The following MMP26 variants were observed in gnomAD, a reference collection of about 807,000 sequenced individuals.
MMP26 encodes matrix metallopeptidase 26, also known as matrix metalloproteinase-26.
MMP26 carries 33 observed loss-of-function variants against 31.0 expected under a neutral mutation model. The ratio of observed to expected loss-of-function variants is 1.06; its 90% CI spans 0.81 to 1.42. The LOEUF is 1.42. MMP26 is among the 40% of genes most tolerant of loss of function. The pLI is 0.00. For missense variants in MMP26, 347 were observed against 316.1 expected (o/e 1.10, Z -0.74); for synonymous variants, 122 against 114.9 (o/e 1.06, Z -0.40).
chr11:4,898,313 A>G (rs558434468), intron 2 of MMP26, among the ~76,000 whole-genome samples: 50 of 152,064 alleles, frequency 3.3e-4, no homozygotes, highest in African/African-American at 1.2e-3. Context: ...CTACTTGTAT[A>G]TCTTTTTCCC....
In MMP26 at chr11:4,760,614, A is replaced by G. The variant is rs373064491; in HGVS notation, c.-216-6656A>G. 7.2e-4 allele frequency among the ~76,000 whole-genome samples: 109 copies of G among 152,288 alleles called. 1 individual carries two copies. The highest frequency in any genetic ancestry group is 2.5e-3 in the African/African-American group (103 of 41,564). The stretch of plus-strand genomic sequence containing the variant: ...ACAGCATCATTAATAGGCTGTGACT[A>G]ATATTCCCATTTTTCAGGTGAGGTT... On this transcript the variant is annotated intron_variant, in intron 1 of 7. Transcript: ENST00000380390.
chr11:4,886,505 A>G (rs1850547683), intron 2 of MMP26, among the ~76,000 whole-genome samples: 1 of 152,072 alleles, frequency 6.6e-6, no homozygotes, highest in Non-Finnish European at 1.5e-5. Context: ...TATTGTCATT[A>G]TCTTCTAAAT....
intron 2 of MMP26, among the ~76,000 whole-genome samples, chr11:4,851,266 T>C (rs1849971999): frequency 1.3e-5 from 2 of 152,208 alleles, no homozygotes; most frequent in South Asian, 4.1e-4. Context: ...GCTTTGTTCC[T>C]GTACTCGTGA....
chr11:4,903,224 A>C (rs1373898311), intron 2 of MMP26, among the ~76,000 whole-genome samples: 1 of 152,118 alleles, frequency 6.6e-6, no homozygotes, highest in Non-Finnish European at 1.5e-5. Flanking sequence ...ATAATGTGGA[A>C]GGCATGTAGT....
At chr11:4,741,077 G>A (rs1023662239) in intron 1 of MMP26, among the ~76,000 whole-genome samples, 4 of 152,102 alleles carry the variant, frequency 2.6e-5, no homozygotes, top group African/African-American at 4.8e-5. Flanking sequence ...AATTCATCCC[G>A]AGTTAATTTT....
intron 2 of MMP26, among the ~76,000 whole-genome samples, chr11:4,879,487 T>G (rs1270667059): frequency 6.6e-6 from 1 of 152,112 alleles, no homozygotes. Flanking sequence ...AGCTTTGAAA[T>G]AAGACTTATT....
intron 1 of MMP26, chr11:4,709,949 C>T (rs980954617): frequency 2.2e-5 from 10 of 456,824 alleles, no homozygotes; most frequent in Non-Finnish European, 3.1e-5. Flanking sequence ...GCTTTATTGC[C>T]GTCTGTAACC....
chr11:4,881,913 A>G lies in MMP26; in HGVS notation c.-144-106155A>G, dbSNP rs564050863. Reference sequence around the variant, plus strand: ...CTTCAACCAACCATGGCAATATTCAATAACACCACTTCGTCTTCCTCAAAC... The same window carrying G: ...CTTCAACCAACCATGGCAATATTCAGTAACACCACTTCGTCTTCCTCAAAC... On this transcript the variant is annotated intron_variant, in intron 2 of 7. Coordinates refer to ENST00000380390, the MANE Select transcript of MMP26 (RefSeq NM_021801.5). 16 of 1,612,826 alleles carry G rather than the reference A, an allele frequency of 9.9e-6. No homozygotes were observed. In the African/African-American group the frequency reaches 1.2e-4, roughly 12 times the overall value.
chr11:4,866,122 G>A (rs1850230430), intron 2 of MMP26, among the ~76,000 whole-genome samples: 1 of 152,004 alleles, frequency 6.6e-6, no homozygotes, highest in Non-Finnish European at 1.5e-5. Flanking sequence ...GTATACTCAT[G>A]GGCGATTCCT....
rs1286710804 is a variant in MMP26 at position 4,723,671 on chromosome 11, T to A, written c.-217+18626T>A. The A allele has an allele frequency of 4.5e-6, 4 of 883,040 alleles. No individual in the cohort carries two copies. The African/African-American group carries it at 6.6e-5, about 14-fold the overall frequency. The allele number at this position is 883,040 out of a possible 1,614,324, so 54.7% of individuals were successfully genotyped here. A position where few individuals can be genotyped will look rare whatever the true frequency, so the allele number is the denominator to read the frequency against. ...TCATACTTGTTCTTGCAGTTCTCCA[T>A]CAGCCCTTGCATGTTGCCAAGCTTC... is the stretch of plus-strand genomic sequence containing the variant. On this transcript the variant is annotated intron_variant, in intron 1 of 7. Transcript: ENST00000380390.
At chr11:4,958,107 G>A (rs139626660) in intron 2 of MMP26, among the ~76,000 whole-genome samples, 21 of 152,242 alleles carry the variant, frequency 1.4e-4, no homozygotes, top group African/African-American at 5.1e-4. Context: ...GCCCATGATG[G>A]CGCCAGCTCC....
chr11:4,910,185 C>T (rs1350514149), intron 2 of MMP26, among the ~76,000 whole-genome samples: 2 of 151,954 alleles, frequency 1.3e-5, no homozygotes, highest in Non-Finnish European at 2.9e-5. Flanking sequence ...CTAGAGGTAA[C>T]CCATAATTCT....
At chr11:4,798,046 A>C (rs564526458) in intron 2 of MMP26, among the ~76,000 whole-genome samples, 2 of 152,358 alleles carry the variant, frequency 1.3e-5, no homozygotes, top group East Asian at 1.9e-4. Flanking sequence ...CATTTTCTGC[A>C]TATTGACCTG....
chr11:4,872,996 A>G (rs529927673), intron 2 of MMP26, among the ~76,000 whole-genome samples: 1 of 152,122 alleles, frequency 6.6e-6, no homozygotes, highest in East Asian at 1.9e-4. Flanking sequence ...CTTGCTTTCC[A>G]TGTGTTCTTT....
At chr11:4,763,579 G>A (rs1201731948) in intron 1 of MMP26, among the ~76,000 whole-genome samples, 1 of 152,156 alleles carries the variant, frequency 6.6e-6, no homozygotes, top group Non-Finnish European at 1.5e-5. Flanking sequence ...GGATGACATG[G>A]CTAGAAATAC....
intron 1 of MMP26, chr11:4,736,565 G>T (rs1248311624): frequency 6.6e-6 from 1 of 152,240 alleles, no homozygotes; most frequent in East Asian, 1.9e-4. Context: ...GATGGAAACA[G>T]TAGGAATGAT....
At chr11:4,924,685 G>A (rs1425124303) in intron 2 of MMP26, among the ~76,000 whole-genome samples, 1 of 152,190 alleles carries the variant, frequency 6.6e-6, no homozygotes, top group African/African-American at 2.4e-5. Flanking sequence ...TTTAATAGCA[G>A]GGCAGTTAAG....
intron 2 of MMP26, among the ~76,000 whole-genome samples, chr11:4,846,207 A>AGT (rs1256641703): frequency 6.6e-6 from 1 of 152,222 alleles, no homozygotes; most frequent in African/African-American, 2.4e-5. Flanking sequence ...TACACAATGG[A>AGT]GTACTATTCA....
chr11:4,773,135 T>G (rs35902686), intron 2 of MMP26, among the ~76,000 whole-genome samples: 14,436 of 152,196 alleles, frequency 0.095, 851 homozygotes, highest in Middle Eastern at 0.15. Context: ...ACGGTCAGAT[T>G]GTAAAATAAT....
Sources: allele counts gnomAD v4.1 joint callset (sites outside exome capture counted in the v4.1 genomes callset), GRCh38; gene constraint gnomAD v4.1.1; transcripts MANE v1.5; gene names NCBI Gene and HGNC (gene_info 2026-07-23, HGNC 2026-07-21).